Variants in GREM2 observed in about 807,000 individuals in gnomAD.
The protein encoded by GREM2 is gremlin 2, DAN family BMP antagonist.
GREM2 carries 11 observed loss-of-function variants against 14.2 expected under a neutral mutation model. The observed-to-expected ratio is 0.78, with a 90% CI of 0.49 to 1.28. GREM2 has a LOEUF of 1.28. Ranked by LOEUF, GREM2 falls within the 50% of genes most tolerant of loss-of-function variation. The pLI is 0.00. For synonymous variants in GREM2, 98 were observed against 97.6 expected, an observed-to-expected ratio of 1.00 and a Z score of -0.02; for missense variants, 210 against 218.5, an observed-to-expected ratio of 0.96 and a Z score of 0.24.
intron 1 of GREM2, among the ~76,000 whole-genome samples, chr1:240,555,416 AT>A (rs1179108375): frequency 3.9e-5 from 6 of 152,216 alleles, no homozygotes; most frequent in African/African-American, 1.4e-4. Context: ...GCCAAAAAGC[AT>A]TAGCTACGAT....
chr1:240,599,485 G>A (rs1357272054), intron 1 of GREM2, among the ~76,000 whole-genome samples: 3 of 152,110 alleles, frequency 2.0e-5, no homozygotes, highest in African/African-American at 7.2e-5. Context: ...ACAAACAGAA[G>A]GGGAAAAGCT....
intron 1 of GREM2, among the ~76,000 whole-genome samples, chr1:240,598,216 C>A (rs932614120): frequency 1.3e-5 from 2 of 152,298 alleles, no homozygotes; most frequent in Non-Finnish European, 2.9e-5. Flanking sequence ...TATGAAAGCA[C>A]ACTTTCTTGT....
chr1:240,519,543 T>G (rs982448468), intron 1 of GREM2, among the ~76,000 whole-genome samples: 2 of 152,226 alleles, frequency 1.3e-5, no homozygotes, highest in African/African-American at 2.4e-5. Context: ...TATCAACATA[T>G]ACGGTATTCA....
At chr1:240,552,056 C>T (rs1678863907) in intron 1 of GREM2, among the ~76,000 whole-genome samples, 2 of 152,160 alleles carry the variant, frequency 1.3e-5, no homozygotes, top group Non-Finnish European at 2.9e-5. Context: ...ACTCTACATA[C>T]TTCATATACT....
At chr1:240,600,554 G>A (rs988656756) in intron 1 of GREM2, among the ~76,000 whole-genome samples, 2 of 152,022 alleles carry the variant, frequency 1.3e-5, no homozygotes, top group African/African-American at 4.8e-5. Context: ...CACGGTCTCG[G>A]CTCACTACAA....
At chr1:240,573,920 G>C (rs12094891) in intron 1 of GREM2, among the ~76,000 whole-genome samples, 3,368 of 152,030 alleles carry the variant, frequency 0.022, 109 homozygotes, top group East Asian at 0.11. Flanking sequence ...ATAAGAGATA[G>C]GTTTGTTTTG....
chr1:240,491,082 A>AC lies in GREM2; in HGVS notation c.*1886dup, dbSNP rs1677237077. The AC allele has an allele frequency of 6.6e-6, 1 of 151,976 alleles. No homozygotes were observed. The highest frequency in any genetic ancestry group is 2.1e-4 in the South Asian group (1 of 4,814). 9.4% of individuals were successfully genotyped at this position (151,976 alleles called of 1,614,324 possible). ...GTATATACCCATTTATGAAACCAAG[A>AC]CCCCCTCTGCCACAGCACATTCTTG... On this transcript the variant is annotated 3_prime_UTR_variant, in exon 2 of 2. Transcript: ENST00000318160.
intron 1 of GREM2, among the ~76,000 whole-genome samples, chr1:240,559,648 A>T (rs1018177875): frequency 6.6e-6 from 1 of 152,092 alleles, no homozygotes; most frequent in Non-Finnish European, 1.5e-5. Context: ...CTGGCCAAAA[A>T]GTCTTTAAGT....
intron 1 of GREM2, among the ~76,000 whole-genome samples, chr1:240,582,432 T>TCA (rs952568959): frequency 2.0e-5 from 3 of 151,452 alleles, no homozygotes; most frequent in Non-Finnish European, 1.5e-5. Context: ...TGAAACTCCA[T>TCA]CACACACACA....
intron 1 of GREM2, among the ~76,000 whole-genome samples, chr1:240,499,390 T>C (rs10926284): frequency 0.41 from 62,430 of 152,028 alleles, 13,053 homozygotes; most frequent in East Asian, 0.46. Flanking sequence ...CTTGGAAAGT[T>C]GAAGGGAAGT....
intron 1 of GREM2, among the ~76,000 whole-genome samples, chr1:240,600,089 G>A (rs1014645524): frequency 3.9e-5 from 6 of 152,152 alleles, no homozygotes; most frequent in Non-Finnish European, 7.3e-5. Context: ...GGCTCAAAAG[G>A]GAGTATGGTG....
chr1:240,492,887 C>A lies in GREM2; in HGVS notation c.*82G>T. The A allele has an allele frequency of 1.6e-6, 2 of 1,278,936 alleles. No individual in the cohort carries two copies. The highest frequency in any genetic ancestry group is 3.9e-5 in the Admixed American group (1 of 25,400). The allele number at this position is 1,278,936 out of a possible 1,614,324, so 79.2% of individuals were successfully genotyped here. A position where few individuals can be genotyped will look rare whatever the true frequency, so the allele number is the denominator to read the frequency against. On this transcript the variant is annotated 3_prime_UTR_variant, in exon 2 of 2. Transcript: ENST00000318160. ...GAACACCAGGCAGCGTGACAGTGGGCTCGGAGGGCAGGGACAGAGGCGGCG... is the reference window on the plus strand; with the variant it reads ...GAACACCAGGCAGCGTGACAGTGGGATCGGAGGGCAGGGACAGAGGCGGCG...
chr1:240,517,771 A>C (rs865969348), intron 1 of GREM2, among the ~76,000 whole-genome samples: 1 of 152,216 alleles, frequency 6.6e-6, no homozygotes, highest in South Asian at 2.1e-4. Context: ...GAGTCTGATC[A>C]CACGTAGAGG....
intron 1 of GREM2, among the ~76,000 whole-genome samples, chr1:240,546,573 C>T (rs919289071): frequency 1.3e-5 from 2 of 152,134 alleles, no homozygotes; most frequent in Non-Finnish European, 2.9e-5. Context: ...AACAAGCAAT[C>T]TATACGTAGT....
chr1:240,514,113 G>A (rs1432251423), intron 1 of GREM2, among the ~76,000 whole-genome samples: 3 of 151,970 alleles, frequency 2.0e-5, no homozygotes, highest in Non-Finnish European at 4.4e-5. Context: ...CAGGCGTGGT[G>A]GCATGCATCT....
intron 1 of GREM2, among the ~76,000 whole-genome samples, chr1:240,563,033 A>T (rs1468493007): frequency 7.2e-6 from 1 of 138,290 alleles, no homozygotes; most frequent in Admixed American, 7.3e-5. Context: ...TGTGTATATG[A>T]GTGTGTATGT....
intron 1 of GREM2, among the ~76,000 whole-genome samples, chr1:240,538,834 G>C (rs561212457): frequency 6.6e-6 from 1 of 152,300 alleles, no homozygotes; most frequent in East Asian, 1.9e-4. Context: ...TACTACGTGT[G>C]GGTGTCTCTC....
chr1:240,510,293 C>CG lies in GREM2; in HGVS notation c.-1-16818dup, dbSNP rs1384496962. 4.7e-4 allele frequency among the ~76,000 whole-genome samples: 59 copies of CG among 126,504 alleles called. No individual in the cohort carries two copies. In the Middle Eastern group the frequency reaches 0.021, roughly 45 times the overall value. 83.0% of individuals were successfully genotyped at this position (126,504 alleles called of 152,430 possible). ...GCTGAGGCAGGAGAATGGCGTGAAC[C>CG]GGGGAGGCGGAGCTTGCACTGAGCA... On this transcript the variant is annotated intron_variant, in intron 1 of 1. Transcript: ENST00000318160.
chr1:240,579,881 C>G (rs1183371340), intron 1 of GREM2, among the ~76,000 whole-genome samples: 1 of 152,160 alleles, frequency 6.6e-6, no homozygotes, highest in Non-Finnish European at 1.5e-5. Context: ...GTGAAAGATA[C>G]ATAAGTAACT....
Sources: allele counts gnomAD v4.1 joint callset (sites outside exome capture counted in the v4.1 genomes callset), GRCh38; gene constraint gnomAD v4.1.1; transcripts MANE v1.5; gene names NCBI Gene and HGNC (gene_info 2026-07-23, HGNC 2026-07-21).